Variants in TBC1D5 observed in about 807,000 individuals in gnomAD.
TBC1D5 encodes the protein TBC1 domain family member 5.
In TBC1D5, 75 loss-of-function variants were observed where a neutral mutation model predicts 100.3. The ratio of observed to expected loss-of-function variants is 0.75; its 90% CI spans 0.62 to 0.91. The LOEUF is 0.91. TBC1D5 is among the 40% of genes least tolerant of loss of function. TBC1D5 has a pLI of 0.00. For synonymous variants in TBC1D5, 323 were observed against 325.6 expected (o/e 0.99, Z 0.09); for missense variants, 910 against 942.4 (o/e 0.97, Z 0.45).
At chr3:17,160,668 T>TCTAA (rs2065946718) in exon 22 of TBC1D5, 1 of 347,782 alleles carries the variant, frequency 2.9e-6, no homozygotes, top group African/African-American at 2.0e-5. Context: ...TTCGGTCTTT[T>TCTAA]CTAACTGTGA....
chr3:17,676,730 C>T (rs1479519717), intron 1 of TBC1D5, among the ~76,000 whole-genome samples: 1 of 152,194 alleles, frequency 6.6e-6, no homozygotes, highest in Non-Finnish European at 1.5e-5. Context: ...CTGGAGGCAT[C>T]ATGCTACCTG....
intron 2 of TBC1D5, among the ~76,000 whole-genome samples, chr3:17,565,615 C>T (rs1170937838): frequency 3.3e-5 from 5 of 152,106 alleles, no homozygotes; most frequent in Non-Finnish European, 5.9e-5. Flanking sequence ...TTATTTACTG[C>T]CTCAGATACA....
chr3:17,604,347 A>C (rs1444324836), intron 2 of TBC1D5, among the ~76,000 whole-genome samples: 1 of 152,204 alleles, frequency 6.6e-6, no homozygotes, highest in African/African-American at 2.4e-5. Context: ...TTGAAAATAG[A>C]GCAGTAACAT....
chr3:17,453,367 A>C (rs772455991), intron 3 of TBC1D5, among the ~76,000 whole-genome samples: 2 of 152,064 alleles, frequency 1.3e-5, no homozygotes, highest in Non-Finnish European at 2.9e-5. Flanking sequence ...AAAAAGAAAT[A>C]AAAAGTTGGT....
At chr3:17,383,604 C>A (rs1389970951) in intron 9 of TBC1D5, among the ~76,000 whole-genome samples, 2 of 151,896 alleles carry the variant, frequency 1.3e-5, no homozygotes, top group African/African-American at 4.8e-5. Flanking sequence ...TTTGTACATA[C>A]AACTCTGAAA....
intron 17 of TBC1D5, among the ~76,000 whole-genome samples, chr3:17,216,954 T>A (rs1481311697): frequency 6.6e-6 from 1 of 152,152 alleles, no homozygotes; most frequent in Non-Finnish European, 1.5e-5. Context: ...CAGAGATGCA[T>A]GACCATCAAA....
intron 3 of TBC1D5, among the ~76,000 whole-genome samples, chr3:17,483,788 A>T (rs1417782308): frequency 6.6e-6 from 1 of 152,196 alleles, no homozygotes; most frequent in Non-Finnish European, 1.5e-5. Context: ...ATTTTAACAC[A>T]CAATTAATTA....
At chr3:17,571,406 C>T (rs1287815639) in intron 2 of TBC1D5, among the ~76,000 whole-genome samples, 2 of 151,968 alleles carry the variant, frequency 1.3e-5, no homozygotes, top group Non-Finnish European at 2.9e-5. Context: ...TAATCTTAAA[C>T]TAATATACCA....
At chr3:17,541,504 G>C (rs981368368) in intron 2 of TBC1D5, among the ~76,000 whole-genome samples, 1 of 152,014 alleles carries the variant, frequency 6.6e-6, no homozygotes, top group East Asian at 1.9e-4. Flanking sequence ...TATTATTAGT[G>C]TATGAAAATG....
At chr3:17,266,124 T>G (rs139046777) in intron 15 of TBC1D5, among the ~76,000 whole-genome samples, 1 of 152,182 alleles carries the variant, frequency 6.6e-6, no homozygotes, top group African/African-American at 2.4e-5. Flanking sequence ...TCTTTTCTTT[T>G]GCCTGTAATT....
intron 13 of TBC1D5, among the ~76,000 whole-genome samples, chr3:17,327,784 G>A (rs892768496): frequency 2.0e-5 from 3 of 151,972 alleles, no homozygotes; most frequent in Non-Finnish European, 2.9e-5. Flanking sequence ...CAGCAAGTTC[G>A]ATAGGGCATG....
intron 3 of TBC1D5, among the ~76,000 whole-genome samples, chr3:17,475,175 C>CCA (rs1473366474): frequency 4.3e-4 from 64 of 147,562 alleles, no homozygotes; most frequent in African/African-American, 1.6e-3. Context: ...TTCTACCTTG[C>CCA]CCCGCCCCAC....
At chr3:17,252,653 T>C (rs540995767) in intron 16 of TBC1D5, among the ~76,000 whole-genome samples, 37 of 152,346 alleles carry the variant, frequency 2.4e-4, no homozygotes, top group Admixed American at 1.3e-3. Flanking sequence ...TCCCCATCTC[T>C]ACCAGGGATC....
chr3:17,203,748 T>A (rs2071786084), intron 18 of TBC1D5, among the ~76,000 whole-genome samples: 1 of 152,184 alleles, frequency 6.6e-6, no homozygotes, highest in Admixed American at 6.5e-5. Context: ...CCGCCAAGAT[T>A]GTAAATTTCC....
chr3:17,297,000 T>C (rs1342243824), intron 14 of TBC1D5, among the ~76,000 whole-genome samples: 1 of 152,208 alleles, frequency 6.6e-6, no homozygotes, highest in Admixed American at 6.5e-5. Context: ...AGCAATAACA[T>C]AAGAGATCTT....
intron 3 of TBC1D5, among the ~76,000 whole-genome samples, chr3:17,472,665 T>C (rs1171031962): frequency 6.6e-6 from 1 of 152,212 alleles, no homozygotes. Flanking sequence ...AAGGCTATAG[T>C]TTTGTTTATA....
intron 2 of TBC1D5, among the ~76,000 whole-genome samples, chr3:17,517,122 C>T (rs2096000403): frequency 1.3e-5 from 2 of 152,302 alleles, no homozygotes; most frequent in Admixed American, 1.3e-4. Context: ...AAACAACCAC[C>T]TTGATCTAGG....
intron 2 of TBC1D5, among the ~76,000 whole-genome samples, chr3:17,517,732 AATAC>A (rs2096009241): frequency 1.3e-5 from 2 of 152,200 alleles, no homozygotes; most frequent in Admixed American, 6.5e-5. Flanking sequence ...TTTTATTAAA[AATAC>A]ATACATACAA....
At chr3:17,704,131 G>T (rs1466080410) in intron 1 of TBC1D5, among the ~76,000 whole-genome samples, 3 of 141,782 alleles carry the variant, frequency 2.1e-5, no homozygotes, top group Non-Finnish European at 4.6e-5. Flanking sequence ...CTCTTAACGA[G>T]CATGCTGCCT....
Sources: gnomAD v4.1 joint callset for allele counts (sites outside exome capture counted in the v4.1 genomes callset) on GRCh38, gnomAD v4.1.1 for gene constraint, MANE v1.5 for transcripts, NCBI Gene and HGNC (gene_info 2026-07-23, HGNC 2026-07-21) for gene names.